Variants in CD109 observed in about 807,000 individuals in gnomAD.
CD109 encodes the protein CD109 antigen.
A neutral mutation model predicts 165.8 loss-of-function variants in CD109; 149 were observed. That is an observed-to-expected ratio of 0.90 (90% CI 0.79 to 1.03). CD109 has a LOEUF of 1.03. CD109 is among the 50% of genes least tolerant of loss of function. The pLI is 0.00. For missense variants in CD109, 1,712 were observed against 1,677.8 expected, an observed-to-expected ratio of 1.02 and a Z score of -0.36; for synonymous variants, 585 against 592.1, an observed-to-expected ratio of 0.99 and a Z score of 0.18.
chr6:73,802,539 G>A (rs1582184252), intron 23 of CD109, among the ~76,000 whole-genome samples: 1 of 151,760 alleles, frequency 6.6e-6, no homozygotes, highest in Non-Finnish European at 1.5e-5. Flanking sequence ...TTCTTCTGTA[G>A]CAAACAGTGC....
intron 2 of CD109, 119 bp downstream of exon 2, chr6:73,697,691 A>G: frequency 1.4e-6 from 1 of 738,310 alleles, no homozygotes; most frequent in Admixed American, 2.9e-5. Flanking sequence ...TACCTAATAT[A>G]CTTTTAATTC....
At chr6:73,755,975 AAAAC>A (rs1178620782) in intron 5 of CD109, among the ~76,000 whole-genome samples, 2 of 152,124 alleles carry the variant, frequency 1.3e-5, no homozygotes, top group Non-Finnish European at 2.9e-5. Flanking sequence ...AACAAAAACA[AAAAC>A]AAAAGCAACA....
At chr6:73,717,971 C>T (rs1771808158) in intron 2 of CD109, among the ~76,000 whole-genome samples, 1 of 151,316 alleles carries the variant, frequency 6.6e-6, no homozygotes, top group Admixed American at 6.6e-5. Flanking sequence ...CTGAGTTTAT[C>T]AGTTCTAATC....
the CD109 span, among the ~76,000 whole-genome samples, chr6:73,686,329 TA>T: frequency 1.3e-5 from 2 of 152,234 alleles, no homozygotes; most frequent in African/African-American, 4.8e-5. Context: ...CCTTGAAATT[TA>T]TTTGTTGAAG....
chr6:73,759,736 C>G (rs973390768), intron 7 of CD109, among the ~76,000 whole-genome samples: 1 of 152,128 alleles, frequency 6.6e-6, no homozygotes, highest in Non-Finnish European at 1.5e-5. Flanking sequence ...ATACAATATC[C>G]TGGCATTCTA....
At chr6:73,728,308 TCAAAACAAAA>T (rs573815888) in intron 3 of CD109, among the ~76,000 whole-genome samples, 15 of 152,166 alleles carry the variant, frequency 9.9e-5, no homozygotes, top group South Asian at 4.2e-4. Context: ...AGAGTTCGTC[TCAAAACAAAA>T]CAAAACAAAA....
chr6:73,768,363 T>C (rs909121081), intron 14 of CD109, 132 bp downstream of exon 14: 8 of 608,520 alleles, frequency 1.3e-5, no homozygotes, highest in Middle Eastern at 4.4e-4. Context: ...TCTAGAACTA[T>C]GGTTAAACTT....
chr6:73,740,876 C>T (rs1227298331), intron 5 of CD109, among the ~76,000 whole-genome samples: 1 of 152,052 alleles, frequency 6.6e-6, no homozygotes. Context: ...CAGGCATGAG[C>T]CACTGTGCCT....
At chr6:73,780,298 A>G in intron 15 of CD109, 126 bp from the exon 16 acceptor site, 2 of 730,760 alleles carry the variant, frequency 2.7e-6, no homozygotes, top group East Asian at 2.5e-5. Context: ...CATATTCATT[A>G]CTCCTCAATT....
At chr6:73,747,962 C>T (rs1045534939) in intron 5 of CD109, among the ~76,000 whole-genome samples, 19 of 152,024 alleles carry the variant, frequency 1.2e-4, no homozygotes, top group Non-Finnish European at 1.0e-4. Flanking sequence ...CTCCACCTCC[C>T]GAGTTCAAGT....
At chr6:73,743,394 G>A (rs1336638940) in intron 5 of CD109, among the ~76,000 whole-genome samples, 1 of 152,154 alleles carries the variant, frequency 6.6e-6, no homozygotes, top group African/African-American at 2.4e-5. Context: ...ATAATGAAAC[G>A]GGTTATCAAA....
intron 29 of CD109, among the ~76,000 whole-genome samples, chr6:73,814,428 C>T (rs1309323875): frequency 6.6e-6 from 1 of 152,092 alleles, no homozygotes; most frequent in Non-Finnish European, 1.5e-5. Context: ...GCACCTTTAA[C>T]ATCAGTGGTG....
intron 2 of CD109, among the ~76,000 whole-genome samples, chr6:73,708,229 A>G (rs1403400375): frequency 1.3e-5 from 2 of 151,758 alleles, no homozygotes; most frequent in Admixed American, 6.6e-5. Context: ...ATTCCCACCT[A>G]TGAGTGAGAA....
At chr6:73,774,681 A>G (rs1367452507) in intron 15 of CD109, among the ~76,000 whole-genome samples, 2 of 151,990 alleles carry the variant, frequency 1.3e-5, no homozygotes, top group African/African-American at 4.8e-5. Context: ...TCCTGAGGCT[A>G]CCCCCTGGAG....
chr6:73,756,668 A>G lies in CD109; in HGVS notation c.659A>G (p.Gln220Arg). Reference protein sequence around the residue: ...VNDQTYYQSFQVSEYVLPKFE... With the variant: ...VNDQTYYQSFRVSEYVLPKFE... ...GACCAGACATACTATCAATCATTTCAGGTTTCAGAATATGGTAAGAGTTCC... is the reference window on the plus strand; with the variant it reads ...GACCAGACATACTATCAATCATTTCGGGTTTCAGAATATGGTAAGAGTTCC... The change falls in exon 6 of 33, where the codon CAG (glutamine) becomes CGG (arginine). Residue 220 changes from glutamine to arginine, a missense_variant. Gln to Arg is a conservative substitution (Grantham distance 43). Coordinates refer to ENST00000287097, the MANE Select transcript of CD109 (RefSeq NM_133493.5). 1 of 1,547,140 alleles carries G rather than the reference A, an allele frequency of 6.5e-7. No individual in the cohort carries two copies. Among genetic ancestry groups the G allele is most frequent in the South Asian group, 1.2e-5 (1 of 80,986 alleles).
intron 22 of CD109, among the ~76,000 whole-genome samples, chr6:73,790,371 C>T (rs1298581381): frequency 6.6e-6 from 1 of 152,202 alleles, no homozygotes; most frequent in Non-Finnish European, 1.5e-5. Context: ...GCCAGGATTA[C>T]AGGCATGAGC....
At chr6:73,765,795 G>A (rs1773814855) in intron 10 of CD109, 135 bp from the exon 11 acceptor site, 1 of 639,128 alleles carries the variant, frequency 1.6e-6, no homozygotes, top group South Asian at 2.0e-5. Flanking sequence ...CTAGAGAGAG[G>A]CCACTGAATC....
At chr6:73,818,024 G>A (rs892653559) in intron 30 of CD109, among the ~76,000 whole-genome samples, 3 of 152,056 alleles carry the variant, frequency 2.0e-5, no homozygotes, top group Non-Finnish European at 4.4e-5. Context: ...GTCAACTTTT[G>A]AGAAAAGGAA....
chr6:73,800,089 C>T (rs546337720), intron 23 of CD109, among the ~76,000 whole-genome samples: 3 of 152,082 alleles, frequency 2.0e-5, no homozygotes, highest in Non-Finnish European at 4.4e-5. Context: ...CTCCTAGGCT[C>T]AAGTGATCCA....
Sources: gnomAD v4.1 joint callset for allele counts (sites outside exome capture counted in the v4.1 genomes callset) on GRCh38, gnomAD v4.1.1 for gene constraint, MANE v1.5 for transcripts, NCBI Gene and HGNC (gene_info 2026-07-23, HGNC 2026-07-21) for gene names.